SLX9: variants seen among roughly 807,000 people sequenced by gnomAD.
SLX9 encodes the protein SLX9 ribosome biogenesis factor.
A neutral mutation model predicts 20.8 loss-of-function variants in SLX9; 19 were observed. The ratio of observed to expected loss-of-function variants is 0.91; its 90% confidence interval spans 0.64 to 1.34. The LOEUF is 1.34. SLX9 is among the 40% of genes most tolerant of loss of function. SLX9 has a pLI of 0.00. For missense variants in SLX9, 299 were observed against 322.2 expected, an observed-to-expected ratio of 0.93 and a Z score of 0.55; for synonymous variants, 113 against 137.1, an observed-to-expected ratio of 0.82 and a Z score of 1.23.
intron 2 of SLX9, among the ~76,000 whole-genome samples, chr21:44,952,748 G>A (rs1261755381): frequency 2.0e-5 from 3 of 152,218 alleles, no homozygotes; most frequent in East Asian, 1.9e-4. Flanking sequence ...CCTAGGAGAC[G>A]GCGGGGCAGT....
chr21:44,950,373 C>T (rs2084733392), intron 2 of SLX9, among the ~76,000 whole-genome samples: 1 of 152,174 alleles, frequency 6.6e-6, no homozygotes, highest in East Asian at 1.9e-4. Context: ...GGGGAGGTTA[C>T]ATGGAGATGG....
intron 4 of SLX9, chr21:44,969,394 G>A: frequency 2.7e-6 from 1 of 371,066 alleles, no homozygotes; most frequent in Admixed American, 3.0e-5. Context: ...GCTCCCAGAA[G>A]GGAGAGGGCT....
At chr21:44,962,998 T>G (rs999228089) in intron 3 of SLX9, among the ~76,000 whole-genome samples, 2 of 152,206 alleles carry the variant, frequency 1.3e-5, no homozygotes, top group African/African-American at 4.8e-5. Context: ...ATTATTGAGC[T>G]CTAAGAGTTC....
chr21:44,971,695 G>A (rs1277266624), intron 4 of SLX9, among the ~76,000 whole-genome samples: 1 of 622 alleles, frequency 1.6e-3, no homozygotes, highest in Non-Finnish European at 2.9e-3. Context: ...GGTGCACCTA[G>A]AGGAGGGGCC....
chr21:44,969,636 C>G (rs1293239576), intron 4 of SLX9, among the ~76,000 whole-genome samples: 1 of 152,188 alleles, frequency 6.6e-6, no homozygotes, highest in African/African-American at 2.4e-5. Context: ...AAGATGGTGC[C>G]AAGAGCTCCA....
intron 2 of SLX9, among the ~76,000 whole-genome samples, chr21:44,946,675 C>T (rs950390500): frequency 6.6e-6 from 1 of 152,234 alleles, no homozygotes; most frequent in Non-Finnish European, 1.5e-5. Flanking sequence ...CTGAGCTCAT[C>T]GCCGCGGGCC....
chr21:44,961,878 G>T (rs1210594550), intron 3 of SLX9, among the ~76,000 whole-genome samples: 4 of 152,162 alleles, frequency 2.6e-5, no homozygotes, highest in Non-Finnish European at 4.4e-5. Flanking sequence ...GGAGTGAAAG[G>T]CTGTAAGTTA....
At chr21:44,946,465 G>A (rs2084644730) in intron 2 of SLX9, among the ~76,000 whole-genome samples, 1 of 151,314 alleles carries the variant, frequency 6.6e-6, no homozygotes. Flanking sequence ...CAGGGTCAGG[G>A]TTTTGGGTGT....
chr21:44,954,486 G>A (rs1409081558), intron 2 of SLX9, among the ~76,000 whole-genome samples: 1 of 152,152 alleles, frequency 6.6e-6, no homozygotes, highest in African/African-American at 2.4e-5. Flanking sequence ...TCCGGCCGTC[G>A]GCAGGTTTGT....
chr21:44,951,174 C>T (rs1036517163), intron 2 of SLX9, among the ~76,000 whole-genome samples: 1 of 152,156 alleles, frequency 6.6e-6, no homozygotes, highest in Non-Finnish European at 1.5e-5. Context: ...TGTCTCATGG[C>T]CTGGCTCCTG....
At chr21:44,966,215 G>A (rs1029587168) in intron 3 of SLX9, among the ~76,000 whole-genome samples, 14 of 152,184 alleles carry the variant, frequency 9.2e-5, no homozygotes, top group Non-Finnish European at 1.8e-4. Context: ...GGGCGCCGCT[G>A]TCCCAGACAG....
At chr21:44,976,388 C>T (rs950000846) in intron 5 of SLX9, among the ~76,000 whole-genome samples, 9 of 152,192 alleles carry the variant, frequency 5.9e-5, no homozygotes, top group African/African-American at 1.9e-4. Flanking sequence ...GAGTTGCCGC[C>T]GCGTTTCTCA....
chr21:44,943,608 AC>A (rs2084588440), intron 1 of SLX9, 75 bp from the exon 2 acceptor site: 5 of 1,566,516 alleles, frequency 3.2e-6, no homozygotes, highest in Non-Finnish European at 4.4e-6. Context: ...TCTTCTCCTC[AC>A]CTTTAACGTC....
At chr21:44,947,382 G>C (rs967061561) in intron 2 of SLX9, among the ~76,000 whole-genome samples, 7 of 152,222 alleles carry the variant, frequency 4.6e-5, no homozygotes, top group African/African-American at 1.7e-4. Context: ...TGCATGCTGC[G>C]TCTCTGGCCA....
At chr21:44,944,824 C>T (rs1880826861) in intron 2 of SLX9, among the ~76,000 whole-genome samples, 1 of 152,214 alleles carries the variant, frequency 6.6e-6, no homozygotes, top group Non-Finnish European at 1.5e-5. Flanking sequence ...CCCCTCACCG[C>T]CTGGTAGCCT....
intron 2 of SLX9, among the ~76,000 whole-genome samples, chr21:44,959,438 C>T (rs921220263): frequency 3.9e-5 from 6 of 152,210 alleles, no homozygotes; most frequent in East Asian, 1.9e-4. Flanking sequence ...CCCACCTGCA[C>T]GGCCCTGCAG....
intron 2 of SLX9, among the ~76,000 whole-genome samples, chr21:44,944,895 A>G (rs1327605834): frequency 1.3e-5 from 2 of 152,220 alleles, no homozygotes; most frequent in East Asian, 1.9e-4. Context: ...AGGTAACAGT[A>G]TTTATCTCCT....
intron 2 of SLX9, among the ~76,000 whole-genome samples, chr21:44,948,205 C>G (rs552022498): frequency 1.3e-5 from 2 of 151,256 alleles, no homozygotes; most frequent in Admixed American, 6.6e-5. Context: ...CGTGGAGCAT[C>G]GGGCGGTCCG....
At chr21:44,964,856 T>C (rs1250808054) in intron 3 of SLX9, among the ~76,000 whole-genome samples, 1 of 152,220 alleles carries the variant, frequency 6.6e-6, no homozygotes, top group African/African-American at 2.4e-5. Flanking sequence ...CTCTTTGTTT[T>C]TAGTATTTAA....
Sources: allele counts gnomAD v4.1 joint callset (sites outside exome capture counted in the v4.1 genomes callset), GRCh38; gene constraint gnomAD v4.1.1; transcripts MANE v1.5; gene names NCBI Gene and HGNC (gene_info 2026-07-23, HGNC 2026-07-21).